The following LRP8 variants were observed in gnomAD, a reference collection of about 807,000 sequenced individuals.
The protein encoded by LRP8 is low-density lipoprotein receptor-related protein 8.
Under a neutral mutation model 111.6 loss-of-function variants are expected in LRP8, and 46 were observed. The ratio of observed to expected loss-of-function variants is 0.41; its 90% CI spans 0.33 to 0.53. The LOEUF (loss-of-function observed/expected upper bound fraction) is 0.53, where lower values mean the gene tolerates loss of function less well. LRP8 is among the 20% of genes least tolerant of loss of function. LRP8 has a pLI of 0.20. For synonymous variants in LRP8, 464 were observed against 511.2 expected (o/e 0.91, Z 1.24); for missense variants, 959 against 1,297.4 (o/e 0.74, Z 4.01).
At chr1:53,295,679 TC>T (rs981595242) in intron 2 of LRP8, among the ~76,000 whole-genome samples, 2 of 152,086 alleles carry the variant, frequency 1.3e-5, no homozygotes, top group African/African-American at 2.4e-5. Context: ...CTTATTATTT[TC>T]CCCCTTGGAG....
At position 53,250,372 on chromosome 1, in the gene LRP8, G is replaced by C. The variant is rs140652751; in HGVS notation, c.2676+318C>G. Among the ~76,000 whole-genome samples, 595 of 152,250 alleles carry C rather than the reference G, an allele frequency of 3.9e-3. 3 individuals are homozygous for C. The highest frequency in any genetic ancestry group is 0.014 in the African/African-American group (565 of 41,538). ...GAGCCTCTAGGTACAAGGTGGTCCTGATACCTTTTTACCTTAACCACCTAC... is the reference window on the plus strand; with the variant it reads ...GAGCCTCTAGGTACAAGGTGGTCCTCATACCTTTTTACCTTAACCACCTAC... On this transcript the variant is annotated intron_variant, in intron 17 of 18. Coordinates refer to ENST00000306052, the MANE Select transcript of LRP8 (RefSeq NM_004631.5). The surrounding 1 kb of genome is among the most constrained non-coding windows in gnomAD (Gnocchi z 4.6).
intron 12 of LRP8, 77 bp from the exon 13 acceptor site, chr1:53,260,682 C>A: frequency 6.8e-7 from 1 of 1,478,622 alleles, no homozygotes. Flanking sequence ...TGGCCCCAAA[C>A]CATAGTCACA....
chr1:53,272,421 C>T lies in LRP8; in HGVS notation c.1007-1075G>A, dbSNP rs570954077. Among the ~76,000 whole-genome samples, 710 of 152,232 alleles carry T rather than the reference C, an allele frequency of 4.7e-3. 1 individual carries two copies. The highest frequency in any genetic ancestry group is 8.0e-3 in the Non-Finnish European group (544 of 68,014). ...TTCCACAAGCCAAGGAGAGGTGCCG[C>T]GCCCCTCTCCCCCTCTGCCCCCCAG... On this transcript the variant is annotated intron_variant, in intron 6 of 18. Transcript: ENST00000306052.
rs1254218635 is a variant in LRP8 at position 53,275,543 on chromosome 1, A to G, written c.1006+88T>C. 34 of 1,536,992 alleles carry G rather than the reference A, an allele frequency of 2.2e-5. No homozygotes were observed. The highest frequency in any genetic ancestry group is 3.0e-5 in the Non-Finnish European group (34 of 1,131,394). ...AAAATGCATCTTGGGGACCAAGGGG[A>G]AACTCCTCCCAACTCTGCCCTCTGG... On this transcript the variant is annotated intron_variant, in intron 6 of 18. Transcript: ENST00000306052. The surrounding 1 kb of genome is among the most constrained non-coding windows in gnomAD (Gnocchi z 4.4).
intron 15 of LRP8, among the ~76,000 whole-genome samples, chr1:53,256,198 C>T (rs1225006713): frequency 1.3e-5 from 2 of 152,230 alleles, no homozygotes; most frequent in Admixed American, 1.3e-4. Context: ...AGATGACTGT[C>T]CCGGCAATGG....
chr1:53,262,548 C>T lies in LRP8; in HGVS notation c.1672G>A (p.Asp558Asn), dbSNP rs754760940. The change falls in exon 11 of 19, where the codon GAC becomes AAC. Residue 558 changes from aspartate to asparagine, a missense_variant. Transcript: ENST00000306052. This position sits in a 1 kb window ranked among gnomAD's most constrained non-coding sequence, Gnocchi z 4.8. ...DPLRGFMYWSDWGDQAKIEKS... is the reference protein window; with the variant it reads ...DPLRGFMYWSNWGDQAKIEKS... ...TCAATCTTGGCCTGGTCCCCCCAGT[C>T]AGACCAATACATGAACCTAAAAGAC... The T allele has an allele frequency of 3.7e-6, 6 of 1,614,042 alleles. No individual in the cohort carries two copies. The highest frequency in any genetic ancestry group is 1.7e-5 in the Admixed American group (1 of 60,016).
In LRP8 at chr1:53,266,547, A is replaced by C. The variant is rs1400664628; in HGVS notation, c.1353T>G (p.Asn451Lys). 1.9e-6 allele frequency: 3 copies of C among 1,614,078 alleles called. No homozygotes were observed. The Admixed American group carries it at 5.0e-5, about 27-fold the overall frequency. ...NYSRLIPMLK[N>K]VVALDVEVAT... is the part of the protein sequence containing the mutation. ...CAACTTCCACATCTAGTGCCACGACATTCTTGAGCATGGGGATGAGGCGTG... is the reference window on the plus strand; with the variant it reads ...CAACTTCCACATCTAGTGCCACGACCTTCTTGAGCATGGGGATGAGGCGTG... Residue 451 changes from asparagine to lysine, a missense_variant, in exon 9 of 19, where the codon AAT (asparagine) becomes AAG (lysine). Around this residue, in one of 3 missense-constraint regions of LRP8, gnomAD observed 819 missense variants for 1,097.6 expected, o/e 0.75. Transcript: ENST00000306052. The surrounding 1 kb of genome is among the most constrained non-coding windows in gnomAD (Gnocchi z 5.0).
At chr1:53,253,723 T>G (rs1209148779) in intron 16 of LRP8, among the ~76,000 whole-genome samples, 2 of 152,182 alleles carry the variant, frequency 1.3e-5, no homozygotes, top group Admixed American at 1.3e-4. Flanking sequence ...TCTTTCCTGG[T>G]GAAGCCTTTC....
rs182290012 is a variant in LRP8 at position 53,296,089 on chromosome 1, C to T, written c.245-6400G>A. ...GACCCCAATCCTCAGAGCAGGGACA[C>T]GTCTAGAGAAAGGCCCTGGAAAGAA... On this transcript the variant is annotated intron_variant, in intron 2 of 18. Transcript: ENST00000306052. 6.6e-5 allele frequency among the ~76,000 whole-genome samples: 10 copies of T among 152,250 alleles called. No individual in the cohort carries two copies. In the East Asian group the frequency reaches 1.4e-3, roughly 21 times the overall value.
intron 2 of LRP8, among the ~76,000 whole-genome samples, chr1:53,300,392 G>A (rs1650580962): frequency 6.6e-6 from 1 of 152,198 alleles, no homozygotes. Flanking sequence ...GCAGAAATGA[G>A]TGGATCCCAG....
intron 2 of LRP8, among the ~76,000 whole-genome samples, chr1:53,322,443 G>A (rs1654634177): frequency 6.6e-6 from 1 of 152,202 alleles, no homozygotes; most frequent in South Asian, 2.1e-4. Flanking sequence ...TCCGGCAGGA[G>A]GAATAGCACA....
At chr1:53,247,503 C>T (rs548653776) in intron 18 of LRP8, among the ~76,000 whole-genome samples, 1 of 152,274 alleles carries the variant, frequency 6.6e-6, no homozygotes, top group Admixed American at 6.5e-5. Flanking sequence ...AGGTAATATA[C>T]TGCACCTTCC....
At chr1:53,310,746 T>A (rs1324487667) in intron 2 of LRP8, among the ~76,000 whole-genome samples, 1 of 152,064 alleles carries the variant, frequency 6.6e-6, no homozygotes. Context: ...AATTGTTGTA[T>A]AAAGGAGTGA....
Position 53,276,874 on chromosome 1 carries a change from C to T in LRP8, c.701G>A (p.Cys234Tyr). 3 of 1,402,898 alleles carry T rather than the reference C, an allele frequency of 2.1e-6. No individual in the cohort carries two copies. The highest frequency in any genetic ancestry group is 2.8e-6 in the Non-Finnish European group (3 of 1,081,332). 86.9% of individuals were successfully genotyped at this position (1,402,898 alleles called of 1,614,324 possible). Residue 234 changes from cysteine (C) to tyrosine (Y), a missense_variant, in exon 5 of 19, where the codon TGC (cysteine) becomes TAC (tyrosine). Physicochemically the swap from Cys to Tyr is radical, Grantham distance 194 (BLOSUM62 -2). This residue lies in a region of LRP8 where 819 missense variants were observed against 1,097.6 expected (regional missense o/e 0.75). Coordinates refer to ENST00000306052, the MANE Select transcript of LRP8 (RefSeq NM_004631.5). ...ERWVCDRQFD[C>Y]EDRSDEAAEL... ...GGCTGCCTCGTCCGAGCGGTCCTCG[C>T]AGTCAAACTGGCGGTCGCAGACCCA...
intron 3 of LRP8, among the ~76,000 whole-genome samples, chr1:53,285,611 G>A (rs1426080939): frequency 6.6e-6 from 1 of 152,176 alleles, no homozygotes. Flanking sequence ...CTCAGAGCCT[G>A]GAACAAACTA....
chr1:53,277,065 G>A lies in LRP8; in HGVS notation c.510C>T (p.His170=). 2.0e-6 allele frequency: 3 copies of A among 1,521,888 alleles called. No homozygotes were observed. The highest frequency in any genetic ancestry group is 1.2e-5 in the South Asian group (1 of 83,872). The allele number at this position is 1,521,888 out of a possible 1,614,324, so 94.3% of individuals were successfully genotyped here. Residue 170 remains histidine, a synonymous_variant, in exon 5 of 19, where the codon CAC becomes CAT. Coordinates refer to ENST00000306052, the MANE Select transcript of LRP8 (RefSeq NM_004631.5). Reference sequence around the variant, plus strand: ...ACGAGCGGTTGCCGCACTGGAACTCGTGCGGGGCGCACACTGCGCGGGACA... The same window carrying A: ...ACGAGCGGTTGCCGCACTGGAACTCATGCGGGGCGCACACTGCGCGGGACA... ...EAGCATLCAP[H]EFQCGNRSCL...
At position 53,246,891 on chromosome 1, in the gene LRP8, A is replaced by C; in HGVS notation, c.*127T>G. The stretch of plus-strand genomic sequence containing the variant: ...CCTTTCCGCAACATAAATTTAAAAA[A>C]AAAATCACACACACACATACACTCA... On this transcript the variant is annotated 3_prime_UTR_variant, in exon 19 of 19. Transcript: ENST00000306052. 1 of 799,926 alleles carries C rather than the reference A, an allele frequency of 1.3e-6. No homozygotes were observed. The highest frequency in any genetic ancestry group is 2.0e-6 in the Non-Finnish European group (1 of 512,512). 49.6% of individuals were successfully genotyped at this position (799,926 alleles called of 1,614,324 possible). A position where few individuals can be genotyped will look rare whatever the true frequency, so the allele number is the denominator to read the frequency against.
At chr1:53,320,192 A>G (rs945184) in intron 2 of LRP8, among the ~76,000 whole-genome samples, 71,114 of 152,226 alleles carry the variant, frequency 0.47, 20,805 homozygotes, top group African/African-American at 0.84. Flanking sequence ...GCAATCCAGA[A>G]GTGGGCAAGC....
rs2100417520 is a variant in LRP8, at chr1:53,275,222, G to A, written c.1006+409C>T. On this transcript the variant is annotated intron_variant, in intron 6 of 18. Coordinates refer to ENST00000306052, the MANE Select transcript of LRP8 (RefSeq NM_004631.5). The surrounding 1 kb of genome is among the most constrained non-coding windows in gnomAD (Gnocchi z 4.4). Reference sequence around the variant, plus strand: ...TTATCCATTCCCCAAGATGACTAGTGAATGAGGGTCCCTGCTCCTGCAGAG... The same window carrying A: ...TTATCCATTCCCCAAGATGACTAGTAAATGAGGGTCCCTGCTCCTGCAGAG... Among the ~76,000 whole-genome samples, 1 of 152,212 alleles carries A rather than the reference G, an allele frequency of 6.6e-6. No individual in the cohort carries two copies. Among genetic ancestry groups the A allele is most frequent in the East Asian group, 1.9e-4 (1 of 5,192 alleles).
Sources: allele counts gnomAD v4.1 joint callset (sites outside exome capture counted in the v4.1 genomes callset), GRCh38; gene constraint gnomAD v4.1.1; regional missense constraint gnomAD v4.1.1; non-coding constraint Gnocchi (gnomAD v3.1); transcripts MANE v1.5; gene names NCBI Gene and HGNC (gene_info 2026-07-23, HGNC 2026-07-21).